NKX2-2: variants seen among roughly 807,000 people sequenced by gnomAD.
The protein encoded by NKX2-2 is NK2 homeobox 2.
A neutral mutation model predicts 24.6 loss-of-function variants in NKX2-2; 8 were observed. That is an observed-to-expected ratio of 0.32 (90% CI 0.19 to 0.59). The LOEUF is 0.59. NKX2-2 is among the 20% of genes least tolerant of loss of function. The probability of loss-of-function intolerance (pLI) is 0.86; values close to 1 mark genes in which losing one functional copy is unlikely to be tolerated. For missense variants in NKX2-2, 381 were observed against 373.9 expected (o/e 1.02, Z -0.16); for synonymous variants, 217 against 173.3 (o/e 1.25, Z -1.98).
chr20:21,517,749 T>A (rs1980677780), upstream of NKX2-2, among the ~76,000 whole-genome samples: 1 of 152,190 alleles, frequency 6.6e-6, no homozygotes, highest in Non-Finnish European at 1.5e-5. Context: ...GCACCTTTTC[T>A]GTCCCAATTA....
At chr20:21,518,788 A>G (rs1054462156), upstream of NKX2-2, among the ~76,000 whole-genome samples, 3 of 152,142 alleles carry the variant, frequency 2.0e-5, no homozygotes, top group Non-Finnish European at 4.4e-5. Context: ...AGAAAGGAAG[A>G]TACAGGAGAG....
Position 21,512,186 on chromosome 20 carries a change from G to C in NKX2-2, c.559C>G (p.Arg187Gly). 2 of 1,613,934 alleles carry C rather than the reference G, an allele frequency of 1.2e-6. No individual in the cohort carries two copies. Among genetic ancestry groups the C allele is most frequent in the Non-Finnish European group, 1.7e-6 (2 of 1,179,938 alleles). The change falls in exon 2 of 2, where the codon CGG (arginine) becomes GGG (glycine). Residue 187 changes from arginine (R) to glycine (G), a missense_variant. Arg to Gly is a moderately radical substitution (Grantham distance 125). Around this residue, in one of 3 missense-constraint regions of NKX2-2, gnomAD observed 139 missense variants for 121.7 expected, o/e 1.14. Transcript: ENST00000377142. ...QNHRYKMKRARAEKGMEVTPL... is the reference protein window; with the variant it reads ...QNHRYKMKRAGAEKGMEVTPL... Reference sequence around the variant, plus strand: ...GTCACCTCCATACCTTTCTCGGCCCGGGCGCGCTTCATCTTGTAGCGGTGG... The same window carrying C: ...GTCACCTCCATACCTTTCTCGGCCCCGGCGCGCTTCATCTTGTAGCGGTGG...
Position 21,513,534 on chromosome 20 carries a change from C to T in NKX2-2, c.136G>A (p.Gly46Arg), listed in dbSNP as rs1980519489. 2 of 1,613,396 alleles carry T rather than the reference C, an allele frequency of 1.2e-6. No individual in the cohort carries two copies. Among genetic ancestry groups the T allele is most frequent in the Non-Finnish European group, 1.7e-6 (2 of 1,179,742 alleles). ...NEGPEPAKRA[G>R]PLGQGALDAV... is the part of the protein sequence containing the mutation. ...TCCAGGGCGCCCTGCCCCAGCGGCC[C>T]GGCCCTCTTGGCTGGCTCGGGCCCC... The change falls in exon 1 of 2, where the codon GGG becomes AGG. Residue 46 changes from glycine to arginine, a missense_variant. Around this residue, in one of 3 missense-constraint regions of NKX2-2, gnomAD observed 206 missense variants for 173.1 expected, o/e 1.19. Coordinates refer to ENST00000377142, the MANE Select transcript of NKX2-2 (RefSeq NM_002509.4). This position sits in a 1 kb window ranked among gnomAD's most constrained non-coding sequence, Gnocchi z 4.6.
chr20:21,522,613 TC>T, the NKX2-2 span, among the ~76,000 whole-genome samples: 6 of 151,970 alleles, frequency 3.9e-5, no homozygotes, highest in Non-Finnish European at 8.8e-5. Context: ...AGCGCGCAGG[TC>T]CCGGCCGCTC....
chr20:21,519,939 G>T, the NKX2-2 span, among the ~76,000 whole-genome samples: 1 of 152,142 alleles, frequency 6.6e-6, no homozygotes, highest in African/African-American at 2.4e-5. Context: ...AGGTGGACGA[G>T]AAAGTGGGCA....
the NKX2-2 span, among the ~76,000 whole-genome samples, chr20:21,520,004 G>GTT: frequency 2.7e-5 from 4 of 148,024 alleles, no homozygotes; most frequent in African/African-American, 7.4e-5. Flanking sequence ...CCTAAGGTGA[G>GTT]TTTTTTTTTT....
chr20:21,514,373 T>C (rs1471093195), upstream of NKX2-2, among the ~76,000 whole-genome samples: 6 of 150,544 alleles, frequency 4.0e-5, no homozygotes, highest in African/African-American at 1.5e-4. Flanking sequence ...GTGTAACGTG[T>C]CAATTAATTG....
chr20:21,517,636 G>T (rs1980673664), upstream of NKX2-2, among the ~76,000 whole-genome samples: 1 of 152,232 alleles, frequency 6.6e-6, no homozygotes, highest in Non-Finnish European at 1.5e-5. Context: ...CGCAGGCCCA[G>T]CTGGCGGCCA....
At chr20:21,512,608 C>A (rs1248661540) in intron 1 of NKX2-2, 123 bp from the exon 2 acceptor site, 3 of 742,308 alleles carry the variant, frequency 4.0e-6, no homozygotes, top group Non-Finnish European at 6.4e-6. Flanking sequence ...AGCCCAGCCC[C>A]GCTGCCTTTG....
chr20:21,516,772 G>T (rs1980650876), upstream of NKX2-2, among the ~76,000 whole-genome samples: 1 of 152,092 alleles, frequency 6.6e-6, no homozygotes, highest in Admixed American at 6.5e-5. Context: ...GTGGCAAAGG[G>T]GTCTTTGGCA....
chr20:21,512,452 T>C lies in NKX2-2; in HGVS notation c.293A>G (p.Asp98Gly). The C allele has an allele frequency of 9.5e-6, 15 of 1,583,392 alleles. No individual in the cohort carries two copies. The highest frequency in any genetic ancestry group is 1.2e-5 in the Non-Finnish European group (14 of 1,172,498). Residue 98 changes from aspartate (D) to glycine (G), a missense_variant, in exon 2 of 2, where the codon GAC becomes GGC. This residue lies in a region of NKX2-2 where 206 missense variants were observed against 173.1 expected (regional missense o/e 1.19). Coordinates refer to ENST00000377142, the MANE Select transcript of NKX2-2 (RefSeq NM_002509.4). Reference sequence around the variant, plus strand: ...GGGCTCCGGGGACTTGGAGCTTGAGTCCTGAGGGGGCGCCCCGGCAGCCAG... The same window carrying C: ...GGGCTCCGGGGACTTGGAGCTTGAGCCCTGAGGGGGCGCCCCGGCAGCCAG... ...HGLAAGAPPQ[D>G]SSSKSPEPSA...
upstream of NKX2-2, among the ~76,000 whole-genome samples, chr20:21,514,777 G>T (rs374612886): frequency 9.8e-5 from 15 of 152,336 alleles, no homozygotes; most frequent in South Asian, 8.3e-4. Context: ...TCAATATTTT[G>T]GTTGAGGCTT....
At chr20:21,515,813 C>CGCA (rs1980621856), upstream of NKX2-2, among the ~76,000 whole-genome samples, 1 of 152,162 alleles carries the variant, frequency 6.6e-6, no homozygotes, top group Non-Finnish European at 1.5e-5. Context: ...CGGACGCCGC[C>CGCA]GCGCCCCAGC....
At chr20:21,512,583 A>G in intron 1 of NKX2-2, 98 bp from the exon 2 acceptor site, 2 of 944,286 alleles carry the variant, frequency 2.1e-6, no homozygotes, top group South Asian at 3.4e-5. Context: ...GCGACCCTGG[A>G]CCTCCGCGCC....
chr20:21,515,244 G>C (rs1422985174), upstream of NKX2-2, among the ~76,000 whole-genome samples: 1 of 151,978 alleles, frequency 6.6e-6, no homozygotes, highest in Non-Finnish European at 1.5e-5. Context: ...TGGAGCAGCG[G>C]GAAGGCGGCG....
chr20:21,519,104 C>T, the NKX2-2 span, among the ~76,000 whole-genome samples: 2 of 152,320 alleles, frequency 1.3e-5, no homozygotes, highest in Admixed American at 1.3e-4. Context: ...GGCGGCACAC[C>T]TCACACTCCC....
chr20:21,515,636 C>T, upstream of NKX2-2, among the ~76,000 whole-genome samples: 1 of 150,702 alleles, frequency 6.6e-6, no homozygotes, highest in African/African-American at 2.5e-5. Flanking sequence ...CTACCTGATG[C>T]TCGTTCGCCC....
Position 21,511,844 on chromosome 20 carries a change from A to G in NKX2-2, c.*79T>C. ...TTATAATAATAATAATAACCACCAT[A>G]AGGACCGAGGCCTCCTCGCCGCCAC... On this transcript the variant is annotated 3_prime_UTR_variant, in exon 2 of 2. Coordinates refer to ENST00000377142, the MANE Select transcript of NKX2-2 (RefSeq NM_002509.4). The G allele has an allele frequency of 9.5e-7, 1 of 1,048,648 alleles. No individual in the cohort carries two copies. The allele number at this position is 1,048,648 out of a possible 1,614,324, so 65.0% of individuals were successfully genotyped here. A position where few individuals can be genotyped will look rare whatever the true frequency, so the allele number is the denominator to read the frequency against.
At chr20:21,522,017 C>G in the NKX2-2 span, among the ~76,000 whole-genome samples, 1 of 152,238 alleles carries the variant, frequency 6.6e-6, no homozygotes, top group Non-Finnish European at 1.5e-5. Flanking sequence ...CCGCACCTTC[C>G]CAGCCCCTGG....
Sources: gnomAD v4.1 joint callset for allele counts (sites outside exome capture counted in the v4.1 genomes callset) on GRCh38, gnomAD v4.1.1 for gene constraint, gnomAD v4.1.1 regional missense constraint, Gnocchi (gnomAD v3.1) non-coding constraint, MANE v1.5 for transcripts, NCBI Gene and HGNC (gene_info 2026-07-23, HGNC 2026-07-21) for gene names.